Variants in SENP7 observed in about 807,000 individuals in gnomAD.
SENP7 encodes the protein sentrin-specific protease 7.
In SENP7, 64 loss-of-function variants were observed where a neutral mutation model predicts 141.2. The observed-to-expected ratio is 0.45, with a 90% CI of 0.37 to 0.56. The LOEUF is 0.56. SENP7 is among the 20% of genes least tolerant of loss of function. The pLI is 0.00. For synonymous variants in SENP7, 382 were observed against 426.4 expected (o/e 0.90, Z 1.28); for missense variants, 1,025 against 1,212.2 (o/e 0.85, Z 2.29).
intron 3 of SENP7, among the ~76,000 whole-genome samples, chr3:101,489,914 G>T (rs956197083): frequency 1.3e-5 from 2 of 152,242 alleles, no homozygotes; most frequent in African/African-American, 4.8e-5. Flanking sequence ...GCCGGGCACA[G>T]TGGTTCACGC....
At chr3:101,451,565 A>T (rs1056933766) in intron 4 of SENP7, among the ~76,000 whole-genome samples, 2 of 152,172 alleles carry the variant, frequency 1.3e-5, no homozygotes, top group African/African-American at 4.8e-5. Flanking sequence ...TCAACATACG[A>T]AAATCAATAA....
chr3:101,354,425 A>G (rs1422930253), intron 11 of SENP7, among the ~76,000 whole-genome samples: 1 of 151,980 alleles, frequency 6.6e-6, no homozygotes, highest in Non-Finnish European at 1.5e-5. Context: ...ACCTTCAAGT[A>G]GGCTCCAGAG....
intron 1 of SENP7, among the ~76,000 whole-genome samples, chr3:101,505,808 C>CT (rs1212652373): frequency 2.6e-5 from 4 of 151,942 alleles, no homozygotes; most frequent in Non-Finnish European, 5.9e-5. Flanking sequence ...CATGATAGTC[C>CT]ATATTAAGGC....
chr3:101,448,202 A>C (rs1417793561), intron 4 of SENP7, among the ~76,000 whole-genome samples: 5 of 152,212 alleles, frequency 3.3e-5, no homozygotes, highest in Non-Finnish European at 5.9e-5. Context: ...TTTCTTAGAT[A>C]TGACACCAAA....
chr3:101,459,128 T>C (rs964718187), intron 3 of SENP7, 76 bp from the exon 4 acceptor site: 5 of 781,298 alleles, frequency 6.4e-6, no homozygotes, highest in African/African-American at 5.4e-5. Context: ...TCTTTTTTAT[T>C]TGGAAATTTG....
intron 7 of SENP7, among the ~76,000 whole-genome samples, chr3:101,369,799 A>G (rs114632822): frequency 0.017 from 2,542 of 152,324 alleles, 45 homozygotes; most frequent in Non-Finnish European, 0.025. Context: ...TAACTTTATT[A>G]TATAGAATGA....
At chr3:101,387,984 T>C (rs13059142) in intron 6 of SENP7, among the ~76,000 whole-genome samples, 1 of 151,926 alleles carries the variant, frequency 6.6e-6, no homozygotes, top group South Asian at 2.1e-4. Flanking sequence ...CCCAGCCTGC[T>C]GGCAGTTCCT....
At chr3:101,426,850 C>T (rs1157554643) in intron 4 of SENP7, among the ~76,000 whole-genome samples, 1 of 152,112 alleles carries the variant, frequency 6.6e-6, no homozygotes, top group Admixed American at 6.6e-5. Context: ...CTTGGAAGAG[C>T]TCCTGAAAGA....
intron 4 of SENP7, among the ~76,000 whole-genome samples, chr3:101,453,371 T>C (rs990332009): frequency 2.0e-5 from 3 of 152,180 alleles, no homozygotes; most frequent in Non-Finnish European, 4.4e-5. Context: ...ACTGGGTATA[T>C]ACCCAAAGGA....
At chr3:101,458,070 G>T (rs2063417382) in intron 4 of SENP7, among the ~76,000 whole-genome samples, 1 of 152,116 alleles carries the variant, frequency 6.6e-6, no homozygotes, top group Non-Finnish European at 1.5e-5. Flanking sequence ...CTTGTTCTAA[G>T]GATGAAAGCA....
intron 3 of SENP7, among the ~76,000 whole-genome samples, chr3:101,475,617 T>C (rs2064184630): frequency 6.6e-6 from 1 of 152,050 alleles, no homozygotes; most frequent in Admixed American, 6.6e-5. Flanking sequence ...AGGTGAAGGG[T>C]TGATCTGTGC....
At position 101,493,170 on chromosome 3, in the gene SENP7, T is replaced by C. The variant is rs530875571; in HGVS notation, c.186+703A>G. Among the ~76,000 whole-genome samples the C allele has an allele frequency of 4.6e-5, 7 of 152,260 alleles. No individual in the cohort carries two copies. In the East Asian group the frequency reaches 1.2e-3, roughly 25 times the overall value. On this transcript the variant is annotated intron_variant, in intron 3 of 23. Coordinates refer to ENST00000394095, the MANE Select transcript of SENP7 (RefSeq NM_020654.5). ...AAACCAAATACTGCATGTTCTCACT[T>C]ATCAGTGAGAGCTGAATGATCAGAA...
intron 17 of SENP7, among the ~76,000 whole-genome samples, chr3:101,336,848 G>C (rs1002809441): frequency 6.6e-6 from 1 of 152,068 alleles, no homozygotes; most frequent in Non-Finnish European, 1.5e-5. Flanking sequence ...AAAAATACTT[G>C]GGCAAAAATC....
In SENP7 at chr3:101,398,869, T is replaced by G. The variant is rs139638782; in HGVS notation, c.669A>C (p.Leu223Phe). 165 of 1,590,154 alleles carry G rather than the reference T, an allele frequency of 1.0e-4. No homozygotes were observed. In the African/African-American group the frequency reaches 2.0e-3, roughly 19 times the overall value. ...GTTATCACTAAACATACCTTTCAGA[T>G]AAATAACAGCTCTTGTGAGGGTTTA... The part of the protein sequence containing the change: ...QNLNPHKSCY[L>F]SERGSQRSKT... Residue 223 changes from leucine (L) to phenylalanine (F), a missense_variant, in exon 6 of 24, where the codon TTA (leucine) becomes TTC (phenylalanine). Physicochemically the swap from Leu to Phe is conservative, Grantham distance 22 (BLOSUM62 0). Around this residue, in one of 4 missense-constraint regions of SENP7, gnomAD observed 496 missense variants for 503.5 expected, o/e 0.99. Transcript: ENST00000394095.
intron 6 of SENP7, among the ~76,000 whole-genome samples, chr3:101,385,524 C>G (rs1367852733): frequency 2.0e-5 from 3 of 152,212 alleles, no homozygotes; most frequent in African/African-American, 7.2e-5. Context: ...TAGGGCCTCT[C>G]CTGCAACCCC....
chr3:101,493,859 A>G lies in SENP7; in HGVS notation c.186+14T>C. Reference sequence around the variant, plus strand: ...AAAACTGTATACTTAAAATAAATTAATTTTATTTACCACCTGCAAAGGGAG... The same window carrying G: ...AAAACTGTATACTTAAAATAAATTAGTTTTATTTACCACCTGCAAAGGGAG... On this transcript the variant is annotated intron_variant, in intron 3 of 23. Coordinates refer to ENST00000394095, the MANE Select transcript of SENP7 (RefSeq NM_020654.5). 6.8e-7 allele frequency: 1 copy of G among 1,472,514 alleles called. No homozygotes were observed. The allele number at this position is 1,472,514 out of a possible 1,614,324, so 91.2% of individuals were successfully genotyped here.
chr3:101,390,715 A>C (rs1008110443), intron 6 of SENP7, among the ~76,000 whole-genome samples: 5 of 152,054 alleles, frequency 3.3e-5, no homozygotes, highest in African/African-American at 1.2e-4. Flanking sequence ...TTGAACAACA[A>C]AGTATCAGAC....
At chr3:101,396,310 C>T (rs2060966712) in intron 6 of SENP7, among the ~76,000 whole-genome samples, 1 of 152,158 alleles carries the variant, frequency 6.6e-6, no homozygotes, top group African/African-American at 2.4e-5. Flanking sequence ...GGCATAAAGG[C>T]AGAAGCGTAC....
chr3:101,357,718 T>G, intron 11 of SENP7: 1 of 687,830 alleles, frequency 1.5e-6, no homozygotes, highest in Non-Finnish European at 2.6e-6. Flanking sequence ...CTCATAAATT[T>G]TCAAAGTCAA....
Sources: allele counts gnomAD v4.1 joint callset (sites outside exome capture counted in the v4.1 genomes callset), GRCh38; gene constraint gnomAD v4.1.1; regional missense constraint gnomAD v4.1.1; transcripts MANE v1.5; gene names NCBI Gene and HGNC (gene_info 2026-07-23, HGNC 2026-07-21).